Variants in CAMTA1 observed in about 807,000 individuals in gnomAD.
CAMTA1 encodes the protein calmodulin-binding transcription activator 1.
Under a neutral mutation model 170.9 loss-of-function variants are expected in CAMTA1, and 27 were observed. The observed-to-expected ratio is 0.16, with a 90% CI of 0.12 to 0.22. The LOEUF is 0.22. Among genes scored for constraint, CAMTA1 ranks in the 10% least tolerant of loss-of-function variants. CAMTA1 has a pLI of 1.00. For synonymous variants in CAMTA1, 833 were observed against 891.5 expected (o/e 0.93, Z 1.17); for missense variants, 1,619 against 2,217.2 (o/e 0.73, Z 5.42).
At chr1:7,017,036 T>A (rs1279410658) in intron 3 of CAMTA1, among the ~76,000 whole-genome samples, 1 of 152,146 alleles carries the variant, frequency 6.6e-6, no homozygotes, top group Non-Finnish European at 1.5e-5. Context: ...TGTACACAGG[T>A]GCCCACTTCT....
chr1:7,647,475 C>T (rs539092228), intron 7 of CAMTA1, among the ~76,000 whole-genome samples: 49 of 152,174 alleles, frequency 3.2e-4, no homozygotes, highest in Non-Finnish European at 5.6e-4. Context: ...CCTGACTCCC[C>T]GGTCCAGGCC....
chr1:6,854,687 C>T (rs1199850591), intron 3 of CAMTA1, among the ~76,000 whole-genome samples: 1 of 152,096 alleles, frequency 6.6e-6, no homozygotes, highest in Non-Finnish European at 1.5e-5. Context: ...GAATATCATA[C>T]TTACAAAGAC....
At chr1:6,966,770 C>T (rs2149556120) in intron 3 of CAMTA1, among the ~76,000 whole-genome samples, 1 of 151,606 alleles carries the variant, frequency 6.6e-6, no homozygotes, top group East Asian at 2.0e-4. Context: ...GCTGGCATGC[C>T]CAGATAATTT....
intron 6 of CAMTA1, among the ~76,000 whole-genome samples, chr1:7,503,135 G>A (rs967851089): frequency 3.9e-5 from 6 of 152,184 alleles, no homozygotes; most frequent in African/African-American, 7.2e-5. Flanking sequence ...CCTCTGGCTT[G>A]TGAGGTAAAT....
At chr1:7,269,403 T>A (rs1025292110) in intron 5 of CAMTA1, among the ~76,000 whole-genome samples, 3 of 152,208 alleles carry the variant, frequency 2.0e-5, no homozygotes, top group African/African-American at 7.2e-5. Context: ...TTGCTAGCAA[T>A]ATAGAAGTCA....
rs899129571 is a variant in CAMTA1, at chr1:7,164,817, G to T, written c.302+73446G>T. On this transcript the variant is annotated intron_variant, in intron 4 of 22. Transcript: ENST00000303635. ...ATTGTGTGTGGGTGTGTTTGGGGCA[G>T]TGTGATCATTGGAACACCAAGAGAA... Among the ~76,000 whole-genome samples the T allele has an allele frequency of 2.5e-4, 38 of 152,218 alleles. 1 individual carries two copies. The highest frequency in any genetic ancestry group is 1.6e-3 in the Admixed American group (25 of 15,282).
chr1:7,301,642 A>G lies in CAMTA1; in HGVS notation c.438+52016A>G, dbSNP rs566056719. Among the ~76,000 whole-genome samples, 29 of 152,258 alleles carry G rather than the reference A, an allele frequency of 1.9e-4. 1 individual carries two copies. In the South Asian group the frequency reaches 5.8e-3, roughly 31 times the overall value. On this transcript the variant is annotated intron_variant, in intron 5 of 22. Coordinates refer to ENST00000303635, the MANE Select transcript of CAMTA1 (RefSeq NM_015215.4). ...CTCACCTCTTCCCCACAGCATGGAT[A>G]GGACAGAAAAAGCCAAGGCCCATTC...
intron 6 of CAMTA1, among the ~76,000 whole-genome samples, chr1:7,627,248 T>A (rs2095639766): frequency 6.6e-6 from 1 of 152,214 alleles, no homozygotes; most frequent in Non-Finnish European, 1.5e-5. Context: ...CTGTTGGAGA[T>A]CATGATGCTT....
chr1:7,580,077 G>A lies in CAMTA1; in HGVS notation c.511-60323G>A, dbSNP rs1323422695. Among the ~76,000 whole-genome samples, 1 of 152,260 alleles carries A rather than the reference G, an allele frequency of 6.6e-6. No individual in the cohort carries two copies. The highest frequency in any genetic ancestry group is 2.4e-5 in the African/African-American group (1 of 41,472). ...CATTCTGGCCTCTGGCCTGTGCCAGGCACACAGCTAGGAGCTGGGCCTTGC... is the reference window on the plus strand; with the variant it reads ...CATTCTGGCCTCTGGCCTGTGCCAGACACACAGCTAGGAGCTGGGCCTTGC... On this transcript the variant is annotated intron_variant, in intron 6 of 22. Transcript: ENST00000303635. This position sits in a 1 kb window ranked among gnomAD's most constrained non-coding sequence, Gnocchi z 4.3.
Position 7,737,458 on chromosome 1 carries a change from T to G in CAMTA1, c.3546T>G (p.Cys1182Trp), listed in dbSNP as rs529480417. 1.7e-5 allele frequency: 28 copies of G among 1,614,110 alleles called. No individual in the cohort carries two copies. In the South Asian group the frequency reaches 3.1e-4, roughly 18 times the overall value. Residue 1182 changes from cysteine to tryptophan, a missense_variant, in exon 15 of 23, where the codon TGT becomes TGG. Around this residue, in one of 8 missense-constraint regions of CAMTA1, gnomAD observed 370 missense variants for 429.4 expected, o/e 0.86. Coordinates refer to ENST00000303635, the MANE Select transcript of CAMTA1 (RefSeq NM_015215.4). ...AQLGQNPRIH[C>W]PASEEPSTES... ...TGGGACAGAACCCCAGAATCCACTG[T>G]CCTGCAAGCGAAGAGCCCAGCACAG... is the stretch of plus-strand genomic sequence containing the variant.
At chr1:7,687,422 T>C (rs1230401952) in intron 11 of CAMTA1, among the ~76,000 whole-genome samples, 3 of 151,840 alleles carry the variant, frequency 2.0e-5, no homozygotes, top group Admixed American at 2.0e-4. Context: ...AAGAGGGAGC[T>C]CCACGGATTT....
intron 6 of CAMTA1, among the ~76,000 whole-genome samples, chr1:7,492,477 G>T (rs1575594779): frequency 6.6e-6 from 1 of 152,176 alleles, no homozygotes; most frequent in East Asian, 1.9e-4. Context: ...AGCAGTGAAG[G>T]ATGGAAAGGG....
At chr1:7,505,792 G>C (rs892482714) in intron 6 of CAMTA1, among the ~76,000 whole-genome samples, 3 of 152,168 alleles carry the variant, frequency 2.0e-5, no homozygotes, top group Non-Finnish European at 4.4e-5. Flanking sequence ...TCTCAGTCTG[G>C]GACGGTCTTG....
Position 7,044,857 on chromosome 1 carries a change from G to A in CAMTA1, c.235-46447G>A, listed in dbSNP as rs1705113352. Among the ~76,000 whole-genome samples the A allele has an allele frequency of 6.8e-6, 1 of 147,234 alleles. No homozygotes were observed. Among genetic ancestry groups the A allele is most frequent in the African/African-American group, 2.5e-5 (1 of 39,334 alleles). ...TTTTCTTTCCCATTCCTGTCTGCCA[G>A]CAGTGCCTCCTCTCCCCATTAACAT... On this transcript the variant is annotated intron_variant, in intron 3 of 22. Transcript: ENST00000303635. This position sits in a 1 kb window ranked among gnomAD's most constrained non-coding sequence, Gnocchi z 5.0.
At chr1:7,631,495 G>A (rs1251522070) in intron 6 of CAMTA1, among the ~76,000 whole-genome samples, 3 of 152,320 alleles carry the variant, frequency 2.0e-5, no homozygotes, top group Non-Finnish European at 2.9e-5. Flanking sequence ...TGAATGTGGA[G>A]CCCGAGACAC....
intron 5 of CAMTA1, among the ~76,000 whole-genome samples, chr1:7,383,291 G>C (rs560523574): frequency 6.6e-6 from 1 of 151,890 alleles, no homozygotes; most frequent in African/African-American, 2.4e-5. Context: ...ATTCCCTAAG[G>C]CTCCTTGACA....
At chr1:7,630,726 G>T (rs2095663524) in intron 6 of CAMTA1, among the ~76,000 whole-genome samples, 1 of 152,222 alleles carries the variant, frequency 6.6e-6, no homozygotes, top group African/African-American at 2.4e-5. Flanking sequence ...GCCTACCTCT[G>T]CCCTCGCCTG....
intron 5 of CAMTA1, among the ~76,000 whole-genome samples, chr1:7,357,199 A>G (rs1486912912): frequency 2.0e-5 from 3 of 152,240 alleles, no homozygotes; most frequent in Admixed American, 2.0e-4. Flanking sequence ...CAGGGAGGAA[A>G]GAAGGCATCG....
chr1:7,003,043 G>A (rs1348774492), intron 3 of CAMTA1, among the ~76,000 whole-genome samples: 1 of 152,182 alleles, frequency 6.6e-6, no homozygotes, highest in African/African-American at 2.4e-5. Context: ...TCACATTCTG[G>A]TCTGGGCAAT....
Sources: gnomAD v4.1 joint callset for allele counts (sites outside exome capture counted in the v4.1 genomes callset) on GRCh38, gnomAD v4.1.1 for gene constraint, gnomAD v4.1.1 regional missense constraint, Gnocchi (gnomAD v3.1) non-coding constraint, MANE v1.5 for transcripts, NCBI Gene and HGNC (gene_info 2026-07-23, HGNC 2026-07-21) for gene names.